The following STXBP5L variants were observed in gnomAD, a reference collection of about 807,000 sequenced individuals.
STXBP5L encodes the protein syntaxin-binding protein 5-like.
Under a neutral mutation model 144.5 loss-of-function variants are expected in STXBP5L, and 65 were observed. The ratio of observed to expected loss-of-function variants is 0.45; its 90% CI spans 0.37 to 0.55. The LOEUF is 0.55. STXBP5L is among the 20% of genes least tolerant of loss of function. STXBP5L has a pLI of 0.00. For missense variants in STXBP5L, 1,298 were observed against 1,405.5 expected, an observed-to-expected ratio of 0.92 and a Z score of 1.22; for synonymous variants, 505 against 469.6, an observed-to-expected ratio of 1.08 and a Z score of -0.97.
intron 20 of STXBP5L, among the ~76,000 whole-genome samples, chr3:121,326,204 T>A (rs1295529687): frequency 6.6e-6 from 1 of 152,018 alleles, no homozygotes; most frequent in African/African-American, 2.4e-5. Context: ...AACATTGTCA[T>A]GCTGGAGCAA....
At chr3:120,996,356 T>C (rs1296974792) in intron 3 of STXBP5L, among the ~76,000 whole-genome samples, 3 of 152,142 alleles carry the variant, frequency 2.0e-5, no homozygotes, top group Non-Finnish European at 2.9e-5. Flanking sequence ...TAATATAATG[T>C]ATATTTAAGG....
intron 3 of STXBP5L, among the ~76,000 whole-genome samples, chr3:121,010,717 GT>G (rs1220304773): frequency 6.6e-6 from 1 of 151,820 alleles, no homozygotes; most frequent in African/African-American, 2.4e-5. Flanking sequence ...TAAATGTGTT[GT>G]ATACTGTATT....
chr3:120,942,469 T>C lies in STXBP5L; in HGVS notation c.190-12471T>C, dbSNP rs368261572. Among the ~76,000 whole-genome samples, 8 of 151,696 alleles carry C rather than the reference T, an allele frequency of 5.3e-5. No homozygotes were observed. The East Asian group carries it at 7.7e-4, about 15-fold the overall frequency. ...GTATTTTGTCTTTCTAACCACTTTATATAATAGAAAATATATTATTCAATG... is the reference window on the plus strand; with the variant it reads ...GTATTTTGTCTTTCTAACCACTTTACATAATAGAAAATATATTATTCAATG... On this transcript the variant is annotated intron_variant, in intron 2 of 26. Coordinates refer to ENST00000471454, the MANE Select transcript of STXBP5L (RefSeq NM_001308330.2).
At chr3:121,296,654 G>C (rs1256938388) in intron 19 of STXBP5L, among the ~76,000 whole-genome samples, 1 of 152,226 alleles carries the variant, frequency 6.6e-6, no homozygotes, top group African/African-American at 2.4e-5. Flanking sequence ...CCTGGGGCTA[G>C]TGACTGACCT....
chr3:121,157,618 A>G lies in STXBP5L; in HGVS notation c.868A>G (p.Ile290Val), dbSNP rs371884493. ...CCCAAGTCGCCCTTTCCAGACCACA[A>G]TTCCACATGGTAAGATGTATGCTTT... is the stretch of plus-strand genomic sequence containing the variant. ...KSPSRPFQTTIPHGKSQREGR... is the reference protein window; with the variant it reads ...KSPSRPFQTTVPHGKSQREGR... The change falls in exon 9 of 27, where the codon ATT becomes GTT. Residue 290 changes from isoleucine to valine, a missense_variant. Ile to Val is a conservative substitution (Grantham distance 29). Transcript: ENST00000471454. 57 of 1,600,470 alleles carry G rather than the reference A, an allele frequency of 3.6e-5. No homozygotes were observed. The highest frequency in any genetic ancestry group is 1.4e-4 in the African/African-American group (10 of 73,736).
Position 121,423,820 on chromosome 3 carries a change from T to C in STXBP5L, c.*4723T>C, listed in dbSNP as rs1172562775. Reference sequence around the variant, plus strand: ...GTCAGGGAAGGCAAGATGTAAGATATAGTAATGGTATTTATTCTGTATGTC... The same window carrying C: ...GTCAGGGAAGGCAAGATGTAAGATACAGTAATGGTATTTATTCTGTATGTC... On this transcript the variant is annotated 3_prime_UTR_variant, in exon 27 of 27. Coordinates refer to ENST00000471454, the MANE Select transcript of STXBP5L (RefSeq NM_001308330.2). 1.3e-5 allele frequency: 2 copies of C among 152,186 alleles called. No individual in the cohort carries two copies. The highest frequency in any genetic ancestry group is 3.8e-4 in the East Asian group (2 of 5,200). 9.4% of individuals were successfully genotyped at this position (152,186 alleles called of 1,614,324 possible).
At chr3:121,101,808 T>C (rs1291383148) in intron 5 of STXBP5L, among the ~76,000 whole-genome samples, 1 of 152,124 alleles carries the variant, frequency 6.6e-6, no homozygotes, top group Non-Finnish European at 1.5e-5. Flanking sequence ...TTTTTGCTGA[T>C]GATATAATTC....
At chr3:121,361,123 T>A (rs2045700281) in intron 20 of STXBP5L, among the ~76,000 whole-genome samples, 1 of 152,212 alleles carries the variant, frequency 6.6e-6, no homozygotes. Flanking sequence ...TACTTTCTCC[T>A]ATCCTGTAAA....
chr3:121,333,104 G>A (rs778775585), intron 20 of STXBP5L, among the ~76,000 whole-genome samples: 1 of 152,022 alleles, frequency 6.6e-6, no homozygotes, highest in African/African-American at 2.4e-5. Context: ...TGAAACCAAA[G>A]GTCAATATGC....
At chr3:121,290,228 C>T (rs992808564) in intron 19 of STXBP5L, among the ~76,000 whole-genome samples, 1 of 151,814 alleles carries the variant, frequency 6.6e-6, no homozygotes, top group Non-Finnish European at 1.5e-5. Flanking sequence ...ATATTACAAC[C>T]AATACAACAG....
At chr3:120,913,275 A>G (rs1708941244) in intron 2 of STXBP5L, among the ~76,000 whole-genome samples, 2 of 151,728 alleles carry the variant, frequency 1.3e-5, no homozygotes, top group Admixed American at 6.6e-5. Context: ...GCTGGCCAGT[A>G]TTTCTTAACT....
intron 3 of STXBP5L, among the ~76,000 whole-genome samples, chr3:121,009,767 C>T (rs1466428840): frequency 6.6e-6 from 1 of 151,790 alleles, no homozygotes; most frequent in African/African-American, 2.4e-5. Flanking sequence ...GCCAACTCTT[C>T]TTATTTGGTG....
chr3:121,388,305 G>T (rs141347291), intron 22 of STXBP5L, among the ~76,000 whole-genome samples: 2,192 of 152,232 alleles, frequency 0.014, 56 homozygotes, highest in African/African-American at 0.05. Context: ...GGGCTGAGAC[G>T]ATGGGGTTTT....
intron 3 of STXBP5L, among the ~76,000 whole-genome samples, chr3:121,034,131 T>G (rs1946582848): frequency 6.6e-6 from 1 of 152,076 alleles, no homozygotes; most frequent in African/African-American, 2.4e-5. Flanking sequence ...CATTGTTTTC[T>G]TTATTTTTTT....
chr3:121,180,859 G>A (rs2108104024), intron 9 of STXBP5L, among the ~76,000 whole-genome samples: 1 of 151,172 alleles, frequency 6.6e-6, no homozygotes, highest in Middle Eastern at 3.4e-3. Flanking sequence ...GACAACAAGA[G>A]TGAAACTCTG....
chr3:121,373,772 A>G (rs1037731026), intron 20 of STXBP5L, among the ~76,000 whole-genome samples: 1 of 152,076 alleles, frequency 6.6e-6, no homozygotes, highest in Non-Finnish European at 1.5e-5. Flanking sequence ...TTGGCTCACT[A>G]CTGGCACCCA....
chr3:121,122,313 A>G (rs1577011806), intron 7 of STXBP5L, among the ~76,000 whole-genome samples: 1 of 151,044 alleles, frequency 6.6e-6, no homozygotes, highest in East Asian at 1.9e-4. Context: ...CAAAAATCAA[A>G]CCTGAAAGGC....
chr3:121,089,120 A>T (rs1312536372), intron 5 of STXBP5L, among the ~76,000 whole-genome samples: 1 of 98,980 alleles, frequency 1.0e-5, no homozygotes, highest in Non-Finnish European at 2.1e-5. Flanking sequence ...AAAAAAAAAG[A>T]AGCTCCAAGA....
At chr3:121,043,707 C>T (rs1018498506) in intron 4 of STXBP5L, among the ~76,000 whole-genome samples, 2 of 146,712 alleles carry the variant, frequency 1.4e-5, no homozygotes, top group East Asian at 4.0e-4. Context: ...GACTCCATCT[C>T]AAAAACAAAC....
Sources: allele counts gnomAD v4.1 joint callset (sites outside exome capture counted in the v4.1 genomes callset), GRCh38; gene constraint gnomAD v4.1.1; transcripts MANE v1.5; gene names NCBI Gene and HGNC (gene_info 2026-07-23, HGNC 2026-07-21).